Variants in PCDH15 observed in about 807,000 individuals in gnomAD.
The protein encoded by PCDH15 is protocadherin-15.
Under a neutral mutation model 178.5 loss-of-function variants are expected in PCDH15, and 129 were observed. The observed-to-expected ratio is 0.72, with a 90% confidence interval of 0.63 to 0.84. PCDH15 has a LOEUF of 0.84. Among genes scored for constraint, PCDH15 ranks in the 40% least tolerant of loss-of-function variants. The pLI, the probability that PCDH15 is intolerant of heterozygous loss-of-function variation, is 0.00. For synonymous variants in PCDH15, 800 were observed against 732.0 expected (o/e 1.09, Z -1.50); for missense variants, 2,230 against 2,099.9 (o/e 1.06, Z -1.21).
intron 3 of PCDH15, among the ~76,000 whole-genome samples, chr10:54,807,789 CTATT>C (rs1952802029): frequency 6.7e-6 from 1 of 150,090 alleles, no homozygotes. Context: ...AAAAACAAAG[CTATT>C]TAATAGGTAA....
intron 26 of PCDH15, among the ~76,000 whole-genome samples, chr10:53,896,757 C>A (rs577698802): frequency 6.6e-6 from 1 of 152,070 alleles, no homozygotes; most frequent in Admixed American, 6.6e-5. Context: ...CTTATAGGAA[C>A]ATAAACCCTA....
chr10:55,561,489 A>C (rs1412482713), intron 2 of PCDH15, among the ~76,000 whole-genome samples: 1 of 151,906 alleles, frequency 6.6e-6, no homozygotes, highest in Non-Finnish European at 1.5e-5. Flanking sequence ...AATGATAATA[A>C]TATTTTTTCA....
chr10:54,508,556 G>A (rs1439274440), intron 3 of PCDH15, among the ~76,000 whole-genome samples: 1 of 152,074 alleles, frequency 6.6e-6, no homozygotes, highest in Non-Finnish European at 1.5e-5. Context: ...CTACATTTGG[G>A]CAAAATCAAA....
chr10:53,818,322 T>A (rs2076137392), intron 33 of PCDH15: 1 of 208,352 alleles, frequency 4.8e-6, no homozygotes, highest in African/African-American at 2.3e-5. Flanking sequence ...TATCAATCAA[T>A]TTGGATAAAA....
chr10:55,575,199 T>C (rs1431159160), intron 2 of PCDH15, among the ~76,000 whole-genome samples: 2 of 152,096 alleles, frequency 1.3e-5, no homozygotes, highest in Non-Finnish European at 2.9e-5. Flanking sequence ...TATAAAAGTG[T>C]TATAGTCACA....
intron 2 of PCDH15, among the ~76,000 whole-genome samples, chr10:55,418,866 A>C (rs1368009658): frequency 6.6e-6 from 1 of 151,776 alleles, no homozygotes; most frequent in Non-Finnish European, 1.5e-5. Flanking sequence ...TAATTAAAGC[A>C]GAAGTTATTA....
At chr10:54,711,067 T>C (rs998144575) in intron 1 of PCDH15, among the ~76,000 whole-genome samples, 2 of 152,136 alleles carry the variant, frequency 1.3e-5, no homozygotes, top group Admixed American at 1.3e-4. Flanking sequence ...TAGGTTTATT[T>C]AATGGTCACT....
At chr10:54,059,882 A>T (rs2093978388) in intron 18 of PCDH15, among the ~76,000 whole-genome samples, 1 of 152,234 alleles carries the variant, frequency 6.6e-6, no homozygotes, top group Non-Finnish European at 1.5e-5. Flanking sequence ...AGTTCGTGGC[A>T]CATTGTAAGA....
chr10:55,433,596 T>A (rs1018583000), intron 2 of PCDH15, among the ~76,000 whole-genome samples: 1 of 152,068 alleles, frequency 6.6e-6, no homozygotes, highest in African/African-American at 2.4e-5. Context: ...TAAAAATAAA[T>A]AACTAAAAGA....
intron 1 of PCDH15, among the ~76,000 whole-genome samples, chr10:55,300,495 A>G (rs1843245679): frequency 1.3e-5 from 2 of 152,182 alleles, no homozygotes; most frequent in Admixed American, 1.3e-4. Flanking sequence ...ACATGTCACA[A>G]TGTCAATGAT....
intron 2 of PCDH15, among the ~76,000 whole-genome samples, chr10:55,063,913 T>C (rs1422455993): frequency 6.6e-6 from 1 of 152,180 alleles, no homozygotes; most frequent in Non-Finnish European, 1.5e-5. Flanking sequence ...TAAAGGCTGT[T>C]GGCTTGAATA....
intron 2 of PCDH15, among the ~76,000 whole-genome samples, chr10:55,455,377 G>GT (rs1449402938): frequency 6.6e-6 from 1 of 152,076 alleles, no homozygotes; most frequent in African/African-American, 2.4e-5. Context: ...TTATCCTTAA[G>GT]TTTTTTTCAA....
intron 2 of PCDH15, among the ~76,000 whole-genome samples, chr10:55,162,342 T>G (rs1451020521): frequency 1.3e-5 from 2 of 152,200 alleles, no homozygotes; most frequent in African/African-American, 4.8e-5. Flanking sequence ...AAACATAGTG[T>G]TGATGTAAAA....
chr10:54,157,196 C>T (rs1010624414), intron 13 of PCDH15, among the ~76,000 whole-genome samples: 1 of 152,220 alleles, frequency 6.6e-6, no homozygotes, highest in Non-Finnish European at 1.5e-5. Context: ...TGTGTGAGGG[C>T]TCTGACTCTG....
chr10:53,831,119 C>T, intron 30 of PCDH15, 196 bp downstream of exon 30: 2 of 763,964 alleles, frequency 2.6e-6, no homozygotes, highest in Non-Finnish European at 4.8e-6. Context: ...ATTGGGCCAT[C>T]AGTGAAAAAT....
chr10:54,063,624 G>T (rs1000480658), intron 18 of PCDH15, among the ~76,000 whole-genome samples: 1 of 152,120 alleles, frequency 6.6e-6, no homozygotes, highest in Non-Finnish European at 1.5e-5. Flanking sequence ...GTTTTGCTCG[G>T]ACTAGCTGTG....
At chr10:54,523,135 G>A (rs868565696) in intron 3 of PCDH15, among the ~76,000 whole-genome samples, 11 of 152,270 alleles carry the variant, frequency 7.2e-5, no homozygotes, top group Non-Finnish European at 1.2e-4. Context: ...TTTTTGGAAT[G>A]AGAACCAAGG....
At chr10:55,167,072 A>G (rs1353133830) in intron 1 of PCDH15, among the ~76,000 whole-genome samples, 1 of 152,122 alleles carries the variant, frequency 6.6e-6, no homozygotes, top group East Asian at 1.9e-4. Context: ...ACAATTAAGG[A>G]CAATTATATA....
At chr10:54,616,848 T>C (rs2134342681) in intron 2 of PCDH15, among the ~76,000 whole-genome samples, 1 of 152,246 alleles carries the variant, frequency 6.6e-6, no homozygotes, top group Admixed American at 6.5e-5. Flanking sequence ...TACTAATTTC[T>C]TTGGATGCCC....
Sources: allele counts gnomAD v4.1 joint callset (sites outside exome capture counted in the v4.1 genomes callset), GRCh38; gene constraint gnomAD v4.1.1; transcripts MANE v1.5; gene names NCBI Gene and HGNC (gene_info 2026-07-23, HGNC 2026-07-21).